The following EPHB4 variants were observed in gnomAD, a reference collection of about 807,000 sequenced individuals.
EPHB4 encodes the protein EPH receptor B4.
A neutral mutation model predicts 110.6 loss-of-function variants in EPHB4; 50 were observed. The ratio of observed to expected loss-of-function variants is 0.45; its 90% CI spans 0.36 to 0.57. EPHB4 has a LOEUF of 0.57. Among genes scored for constraint, EPHB4 ranks in the 20% least tolerant of loss-of-function variants. The probability of loss-of-function intolerance (pLI) is 0.00; values close to 1 mark genes in which losing one functional copy is unlikely to be tolerated. For synonymous variants in EPHB4, 592 were observed against 578.4 expected (o/e 1.02, Z -0.34); for missense variants, 1,128 against 1,382.1 (o/e 0.82, Z 2.91).
At chr7:100,813,074 C>T (rs770017024) in intron 11 of EPHB4, 21 bp downstream of exon 11, 6 of 1,613,280 alleles carry the variant, frequency 3.7e-6, no homozygotes, top group South Asian at 1.1e-5. Context: ...CCCAGGTGCC[C>T]GGGCAGCCTT....
At chr7:100,803,946 A>G (rs1463429615) in intron 16 of EPHB4, among the ~76,000 whole-genome samples, 1 of 152,086 alleles carries the variant, frequency 6.6e-6, no homozygotes, top group African/African-American at 2.4e-5. Context: ...GTGGGAGAGG[A>G]AGAGCTGGGT....
chr7:100,808,797 T>C (rs539844504), intron 12 of EPHB4, among the ~76,000 whole-genome samples: 2 of 152,188 alleles, frequency 1.3e-5, no homozygotes, highest in Non-Finnish European at 2.9e-5. Flanking sequence ...ACCAGGGACA[T>C]AGACTCCAAA....
chr7:100,826,173 G>A (rs989255963), intron 1 of EPHB4, among the ~76,000 whole-genome samples: 19 of 152,218 alleles, frequency 1.2e-4, no homozygotes, highest in African/African-American at 4.3e-4. Flanking sequence ...CCCTTTAGGG[G>A]ACCAGGAGGG....
chr7:100,816,910 C>T (rs1423735997), intron 8 of EPHB4, among the ~76,000 whole-genome samples: 1 of 151,746 alleles, frequency 6.6e-6, no homozygotes, highest in African/African-American at 2.4e-5. Context: ...GGTGAAGCCC[C>T]GTCTCTACTA....
chr7:100,818,477 C>A lies in EPHB4; in HGVS notation c.1422+43G>T, dbSNP rs781397864. On this transcript the variant is annotated intron_variant, in intron 7 of 16. Coordinates refer to ENST00000358173, the MANE Select transcript of EPHB4 (RefSeq NM_004444.5). ...CCCAGGTGTCCCAGCCAGGAGAGCA[C>A]AACCCATTGCCCACCCACCCCAGGG... 1.6e-5 allele frequency: 25 copies of A among 1,604,552 alleles called. 1 individual carries two copies. In the South Asian group the frequency reaches 2.2e-4, roughly 14 times the overall value.
Position 100,824,202 on chromosome 7 carries a change from C to T in EPHB4, c.123+1G>A, listed in dbSNP as rs900751352. 2 of 1,614,044 alleles carry T rather than the reference C, an allele frequency of 1.2e-6. No individual in the cohort carries two copies. The highest frequency in any genetic ancestry group is 1.7e-6 in the Non-Finnish European group (2 of 1,180,022). ...CTCCAGCTCCTGGGTGCAGCTCTCA[C>T]CTGCCCGTCCACCTGAGGGAATGTC... is the stretch of plus-strand genomic sequence containing the variant. On this transcript the variant is annotated splice_donor_variant, in intron 2 of 16. Transcript: ENST00000358173. LOFTEE classifies it high-confidence loss of function.
intron 8 of EPHB4, among the ~76,000 whole-genome samples, chr7:100,815,967 GATAA>G (rs1813056481): frequency 6.7e-6 from 1 of 150,066 alleles, no homozygotes; most frequent in Non-Finnish European, 1.5e-5. Flanking sequence ...CAGCCTGGGT[GATAA>G]AAAAGACCGT....
chr7:100,820,464 CCA>C, intron 4 of EPHB4, 168 bp from the exon 5 acceptor site: 3 of 423,460 alleles, frequency 7.1e-6, no homozygotes, highest in Non-Finnish European at 7.0e-6. Context: ...GATCCCATCT[CCA>C]AAAAAAAAAA....
rs769756568 is a variant in EPHB4, at chr7:100,820,132, G to T, written c.964+9C>A. ...CCCAGTGAACTGCACCTGGGTGCTGGTCACTTACTGGTGCAGGGTGCACCC... is the reference window on the plus strand; with the variant it reads ...CCCAGTGAACTGCACCTGGGTGCTGTTCACTTACTGGTGCAGGGTGCACCC... On this transcript the variant is annotated intron_variant, in intron 5 of 16. Transcript: ENST00000358173. 19 of 1,612,880 alleles carry T rather than the reference G, an allele frequency of 1.2e-5. No individual in the cohort carries two copies. The highest frequency in any genetic ancestry group is 1.6e-5 in the Non-Finnish European group (19 of 1,179,662).
chr7:100,818,011 C>T (rs986041297), intron 7 of EPHB4, among the ~76,000 whole-genome samples: 5 of 151,590 alleles, frequency 3.3e-5, no homozygotes, highest in Admixed American at 6.6e-5. Flanking sequence ...GGACTACAGG[C>T]GCCTGCCACC....
chr7:100,823,952 G>T, intron 2 of EPHB4, 21 bp from the exon 3 acceptor site: 1 of 1,558,854 alleles, frequency 6.4e-7, no homozygotes, highest in Non-Finnish European at 8.7e-7. Flanking sequence ...AAGGAGGTCA[G>T]CAAGGGGGCT....
chr7:100,825,316 T>G (rs1417781107), intron 1 of EPHB4: 1 of 152,198 alleles, frequency 6.6e-6, no homozygotes, highest in Middle Eastern at 3.1e-3. Flanking sequence ...GAGACAGCCC[T>G]GCTCACTGGG....
intron 10 of EPHB4, chr7:100,813,430 C>T: frequency 1.5e-6 from 1 of 667,626 alleles, no homozygotes; most frequent in Non-Finnish European, 2.5e-6. Context: ...ATTCTTCTGC[C>T]TCAGCCTCCT....
chr7:100,818,685 G>GCT (rs1813144708), intron 6 of EPHB4, 41 bp from the exon 7 acceptor site: 7 of 1,580,526 alleles, frequency 4.4e-6, no homozygotes, highest in Non-Finnish European at 6.0e-6. Context: ...GTGCATGGTA[G>GCT]CTCTGTCCCT....
At chr7:100,813,460 T>C (rs926323942) in intron 10 of EPHB4, 192 bp downstream of exon 10, 1 of 700,940 alleles carries the variant, frequency 1.4e-6, no homozygotes, top group Admixed American at 2.4e-5. Context: ...GGATTACAGG[T>C]GCCCACCACC....
At chr7:100,810,944 T>C (rs770444636) in intron 12 of EPHB4, among the ~76,000 whole-genome samples, 2 of 151,780 alleles carry the variant, frequency 1.3e-5, no homozygotes, top group Non-Finnish European at 2.9e-5. Context: ...GAAAAATGTT[T>C]TGATTTTTTT....
chr7:100,807,404 C>G lies in EPHB4; in HGVS notation c.2295G>C (p.Leu765=). The change falls in exon 13 of 17, where the codon CTG becomes CTC. Residue 765 remains leucine (L), a synonymous_variant. Coordinates refer to ENST00000358173, the MANE Select transcript of EPHB4 (RefSeq NM_004444.5). The part of the protein sequence containing the change: ...KVSDFGLSRF[L]EENSSDPTYT... ...AGGTGGGATCGGAAGAGTTCTCCTCCAGGAATCGGGAAAGGCCAAAGTCAG... is the reference window on the plus strand; with the variant it reads ...AGGTGGGATCGGAAGAGTTCTCCTCGAGGAATCGGGAAAGGCCAAAGTCAG... The G allele has an allele frequency of 6.2e-7, 1 of 1,613,778 alleles. No homozygotes were observed. The highest frequency in any genetic ancestry group is 8.5e-7 in the Non-Finnish European group (1 of 1,179,942).
intron 6 of EPHB4, 110 bp downstream of exon 6, chr7:100,819,446 GC>G: frequency 7.9e-7 from 1 of 1,262,900 alleles, no homozygotes; most frequent in Non-Finnish European, 1.1e-6. Context: ...CAAAGCCTTA[GC>G]CCCTCACACT....
chr7:100,825,182 G>A (rs1813346081), intron 1 of EPHB4: 4 of 152,150 alleles, frequency 2.6e-5, no homozygotes, highest in Admixed American at 2.6e-4. Flanking sequence ...AGCTGCAGGA[G>A]AGAAGAGAAA....
Sources: gnomAD v4.1 joint callset for allele counts (sites outside exome capture counted in the v4.1 genomes callset) on GRCh38, gnomAD v4.1.1 for gene constraint, MANE v1.5 for transcripts, NCBI Gene and HGNC (gene_info 2026-07-23, HGNC 2026-07-21) for gene names.